CHST8: variants seen among roughly 807,000 people sequenced by gnomAD.
CHST8 encodes the protein GALNAC-4-ST1.
In CHST8, 10 loss-of-function variants were observed where a neutral mutation model predicts 15.0. The observed-to-expected ratio is 0.67, with a 90% CI of 0.41 to 1.13. CHST8 has a LOEUF of 1.13. Among genes scored for constraint, CHST8 ranks in the 50% most tolerant of loss-of-function variants. The pLI is 0.00. For missense variants in CHST8, 634 were observed against 608.2 expected (o/e 1.04, Z -0.45); for synonymous variants, 259 against 256.6 (o/e 1.01, Z -0.09).
At chr19:33,636,671 C>T (rs1019362149) in intron 1 of CHST8, among the ~76,000 whole-genome samples, 4 of 152,124 alleles carry the variant, frequency 2.6e-5, no homozygotes, top group African/African-American at 9.7e-5. Flanking sequence ...GAGGCCAAGG[C>T]GGGCGGATCA....
chr19:33,747,685 T>C (rs1027501766), intron 3 of CHST8, among the ~76,000 whole-genome samples: 2 of 152,150 alleles, frequency 1.3e-5, no homozygotes, highest in Non-Finnish European at 2.9e-5. Context: ...GGAGCGTCAA[T>C]GATATTGATA....
intron 3 of CHST8, among the ~76,000 whole-genome samples, chr19:33,770,039 C>T (rs1300990371): frequency 6.6e-6 from 1 of 152,206 alleles, no homozygotes; most frequent in Non-Finnish European, 1.5e-5. Context: ...TCCTTCCTGG[C>T]CTGCTAATGA....
intron 3 of CHST8, among the ~76,000 whole-genome samples, chr19:33,705,829 C>T (rs1347775193): frequency 1.3e-5 from 2 of 152,096 alleles, no homozygotes; most frequent in African/African-American, 2.4e-5. Flanking sequence ...TGTGTCACAG[C>T]GATGTCCCCA....
intron 2 of CHST8, among the ~76,000 whole-genome samples, chr19:33,682,781 C>T (rs754989540): frequency 6.6e-6 from 1 of 152,134 alleles, no homozygotes; most frequent in Non-Finnish European, 1.5e-5. Flanking sequence ...TGGGGGGGTT[C>T]CTAGCATCAC....
At chr19:33,753,201 GGCCAGGA>G (rs1974454136) in intron 3 of CHST8, among the ~76,000 whole-genome samples, 1 of 151,914 alleles carries the variant, frequency 6.6e-6, no homozygotes, top group African/African-American at 2.4e-5. Context: ...CAGGGGGAGC[GGCCAGGA>G]GCCTGCCTAT....
chr19:33,762,560 C>T (rs994488921), intron 3 of CHST8, among the ~76,000 whole-genome samples: 1 of 152,256 alleles, frequency 6.6e-6, no homozygotes, highest in Non-Finnish European at 1.5e-5. Context: ...GGCTCCGCTC[C>T]TCTGCAGATG....
intron 1 of CHST8, among the ~76,000 whole-genome samples, chr19:33,655,306 G>GGATT (rs1205003193): frequency 5.3e-5 from 8 of 152,144 alleles, no homozygotes; most frequent in Admixed American, 3.3e-4. Flanking sequence ...GAAAGTGCTA[G>GGATT]GATTACAGGC....
Position 33,751,885 on chromosome 19 carries a change from C to G in CHST8, c.131-19528C>G, listed in dbSNP as rs552542552. ...CAGCATGGGGCCTGCGGCACCAGCTCCCAAATGAACAATGACAGAATGAGT... is the reference window on the plus strand; with the variant it reads ...CAGCATGGGGCCTGCGGCACCAGCTGCCAAATGAACAATGACAGAATGAGT... On this transcript the variant is annotated intron_variant, in intron 3 of 4. Transcript: ENST00000650847. Among the ~76,000 whole-genome samples the G allele has an allele frequency of 3.3e-5, 5 of 152,342 alleles. No individual in the cohort carries two copies. In the South Asian group the frequency reaches 1.0e-3, roughly 32 times the overall value.
chr19:33,639,421 G>GGA (rs2145445325), intron 1 of CHST8, among the ~76,000 whole-genome samples: 1 of 152,290 alleles, frequency 6.6e-6, no homozygotes, highest in South Asian at 2.1e-4. Flanking sequence ...GTGGCCAGGA[G>GGA]GAGCCTCTCA....
chr19:33,674,267 C>A (rs10416782), intron 2 of CHST8, among the ~76,000 whole-genome samples: 25,520 of 152,100 alleles, frequency 0.17, 2,377 homozygotes, highest in Admixed American at 0.26. Flanking sequence ...GCCCTGTCAG[C>A]TTATTGCCAG....
intron 1 of CHST8, among the ~76,000 whole-genome samples, chr19:33,636,450 A>T (rs1036147738): frequency 2.0e-5 from 3 of 152,248 alleles, no homozygotes; most frequent in Non-Finnish European, 1.5e-5. Context: ...GGGTCCTGGT[A>T]TGTGCGTGAG....
chr19:33,737,124 C>T (rs1245675571), intron 3 of CHST8, among the ~76,000 whole-genome samples: 1 of 152,184 alleles, frequency 6.6e-6, no homozygotes, highest in African/African-American at 2.4e-5. Flanking sequence ...CAGCTCCTTT[C>T]CAGAAAAACT....
intron 1 of CHST8, among the ~76,000 whole-genome samples, chr19:33,633,773 TCG>T (rs1491507166): frequency 2.1e-5 from 2 of 94,336 alleles, no homozygotes; most frequent in African/African-American, 8.3e-5. Flanking sequence ...GTTTTCTTTT[TCG>T]TGTGTGTGTG....
At chr19:33,767,295 G>A (rs1014406707) in intron 3 of CHST8, among the ~76,000 whole-genome samples, 1 of 152,342 alleles carries the variant, frequency 6.6e-6, no homozygotes. Context: ...TGGGGATTGG[G>A]GCTTTTGTGT....
chr19:33,757,418 GAA>G (rs1478853831), intron 3 of CHST8, among the ~76,000 whole-genome samples: 318 of 9,062 alleles, frequency 0.035, 26 homozygotes, highest in Admixed American at 0.056. Context: ...AAGAAAGAAA[GAA>G]AGAAAGAAAG....
At chr19:33,636,482 A>C (rs1311384410) in intron 1 of CHST8, among the ~76,000 whole-genome samples, 1 of 152,146 alleles carries the variant, frequency 6.6e-6, no homozygotes, top group Non-Finnish European at 1.5e-5. Flanking sequence ...TTGTCTCCAG[A>C]AGCCACAGTT....
At chr19:33,650,592 T>C (rs1231116278) in intron 1 of CHST8, among the ~76,000 whole-genome samples, 1 of 141,606 alleles carries the variant, frequency 7.1e-6, no homozygotes, top group African/African-American at 2.6e-5. Context: ...AGTATAGTGG[T>C]GTGACCTTGG....
intron 2 of CHST8, among the ~76,000 whole-genome samples, chr19:33,671,046 T>G (rs747962254): frequency 7.2e-5 from 11 of 152,112 alleles, no homozygotes; most frequent in Non-Finnish European, 1.6e-4. Context: ...TATGTTCCAT[T>G]GTTCCGTTTC....
At chr19:33,771,753 G>A (rs559386868) in intron 4 of CHST8, among the ~76,000 whole-genome samples, 2 of 152,204 alleles carry the variant, frequency 1.3e-5, no homozygotes, top group African/African-American at 4.8e-5. Context: ...TCTTGTGGCC[G>A]AAATGACACT....
Sources: gnomAD v4.1 joint callset for allele counts (sites outside exome capture counted in the v4.1 genomes callset) on GRCh38, gnomAD v4.1.1 for gene constraint, MANE v1.5 for transcripts, NCBI Gene and HGNC (gene_info 2026-07-23, HGNC 2026-07-21) for gene names.